The following BBS2 variants were observed in gnomAD, a reference collection of about 807,000 sequenced individuals.
The protein encoded by BBS2 is Bardet-Biedl syndrome 2.
Under a neutral mutation model 83.0 loss-of-function variants are expected in BBS2, and 62 were observed. The observed-to-expected ratio is 0.75, with a 90% CI of 0.61 to 0.92. The LOEUF (loss-of-function observed/expected upper bound fraction) is 0.92. Ranked by LOEUF, BBS2 falls within the 40% of genes least tolerant of loss-of-function variation. The pLI, the probability that BBS2 is intolerant of heterozygous loss-of-function variation, is 0.00. For missense variants in BBS2, 784 were observed against 901.0 expected (o/e 0.87, Z 1.66); for synonymous variants, 303 against 326.1 (o/e 0.93, Z 0.76).
At chr16:56,486,463 G>A (rs1963778397) in intron 15 of BBS2, among the ~76,000 whole-genome samples, 1 of 152,164 alleles carries the variant, frequency 6.6e-6, no homozygotes, top group Non-Finnish European at 1.5e-5. Context: ...ATTATCCTCA[G>A]TTGGTGAATA....
At chr16:56,490,993 C>A (rs1335873347) in intron 15 of BBS2, among the ~76,000 whole-genome samples, 1 of 152,002 alleles carries the variant, frequency 6.6e-6, no homozygotes, top group Non-Finnish European at 1.5e-5. Flanking sequence ...GATCTCCTGG[C>A]CTCATGATCC....
At position 56,519,920 on chromosome 16, in the gene BBS2, G is replaced by T. The variant is rs1415224138; in HGVS notation, c.-58C>A. On this transcript the variant is annotated 5_prime_UTR_variant, in exon 1 of 17. Transcript: ENST00000245157. ...GCTGGAGACAAGCGCAGCGGAGCTG[G>T]CCTCACGCGCCCGGGCAAGAAGTGC... is the stretch of plus-strand genomic sequence containing the variant. 5 of 1,455,176 alleles carry T rather than the reference G, an allele frequency of 3.4e-6. No homozygotes were observed. The highest frequency in any genetic ancestry group is 4.8e-6 in the Non-Finnish European group (5 of 1,039,138). The allele number at this position is 1,455,176 out of a possible 1,614,324, so 90.1% of individuals were successfully genotyped here.
At chr16:56,492,499 G>T (rs1447924978) in intron 15 of BBS2, among the ~76,000 whole-genome samples, 1 of 152,094 alleles carries the variant, frequency 6.6e-6, no homozygotes, top group Non-Finnish European at 1.5e-5. Flanking sequence ...TGAAAGAGGG[G>T]AAGAAGAAAT....
chr16:56,498,833 CA>C (rs1964185926), intron 12 of BBS2: 8 of 747,260 alleles, frequency 1.1e-5, no homozygotes, highest in Non-Finnish European at 1.6e-5. Context: ...CCACAGCAGA[CA>C]TGATTTCATA....
intron 3 of BBS2, 109 bp from the exon 4 acceptor site, chr16:56,511,030 G>A (rs1244203604): frequency 1.4e-5 from 22 of 1,558,250 alleles, no homozygotes; most frequent in South Asian, 8.9e-5. Flanking sequence ...AATGCTATTC[G>A]AATTATTCAT....
Position 56,497,022 on chromosome 16 carries a change from T to C in BBS2, c.1855A>G (p.Asn619Asp). The C allele has an allele frequency of 6.2e-7, 1 of 1,614,076 alleles. No individual in the cohort carries two copies. ...CCGACCAGCAAACTTCGGATCAAAT[T>C]AGAATGATCAGCCATATCAGCACTG... is the stretch of plus-strand genomic sequence containing the variant. The part of the protein sequence containing the change: ...KLSADMADHS[N>D]LIRSLLVGAE... The change falls in exon 15 of 17, where the codon AAT (asparagine) becomes GAT (aspartate). Residue 619 changes from asparagine to aspartate, a missense_variant. By Grantham distance (23) the Asn-to-Asp change is conservative. Transcript: ENST00000245157.
rs1964252649 is a variant in BBS2, at chr16:56,500,944, T to C, written c.1307A>G (p.Asn436Ser). The C allele has an allele frequency of 6.2e-7, 1 of 1,614,042 alleles. No homozygotes were observed. The highest frequency in any genetic ancestry group is 8.5e-7 in the Non-Finnish European group (1 of 1,179,960). ...AGGGATGCAGATGGAACTGGAGAGGTTGTGAATGCTGGGATGTACCACGTG... is the reference window on the plus strand; with the variant it reads ...AGGGATGCAGATGGAACTGGAGAGGCTGTGAATGCTGGGATGTACCACGTG... The part of the protein sequence containing the change: ...ESHVVHPSIH[N>S]LSSSICIPIV... Residue 436 changes from asparagine (N) to serine (S), a missense_variant, in exon 11 of 17, where the codon AAC becomes AGC. By Grantham distance (46) the Asn-to-Ser change is conservative (BLOSUM62 1). Transcript: ENST00000245157.
chr16:56,475,944 T>TATGCTC, intron 17 of BBS2: 1 of 1,109,500 alleles, frequency 9.0e-7, no homozygotes, highest in Middle Eastern at 2.6e-4. Flanking sequence ...TATCCCCAGA[T>TATGCTC]TAAGTGCTTG....
chr16:56,519,677 C>T (rs1964862132), intron 1 of BBS2, 69 bp downstream of exon 1: 5 of 1,336,770 alleles, frequency 3.7e-6, no homozygotes, highest in Admixed American at 1.7e-5. Context: ...GACGGGATCC[C>T]AGGGGCGCGG....
intron 15 of BBS2, among the ~76,000 whole-genome samples, chr16:56,493,156 G>A (rs558586189): frequency 2.6e-5 from 4 of 152,214 alleles, no homozygotes; most frequent in Non-Finnish European, 4.4e-5. Flanking sequence ...GGAAGCCAAG[G>A]TGGGAGGATC....
intron 12 of BBS2, 22 bp downstream of exon 12, chr16:56,499,756 A>G: frequency 1.2e-6 from 2 of 1,613,922 alleles, no homozygotes; most frequent in Non-Finnish European, 8.5e-7. Context: ...AAAGCATTGA[A>G]AGAGAAAAGC....
chr16:56,512,298 G>C lies in BBS2; in HGVS notation c.346-1014C>G, dbSNP rs1024618707. Among the ~76,000 whole-genome samples the C allele has an allele frequency of 5.3e-5, 8 of 152,246 alleles. No individual in the cohort carries two copies. In the East Asian group the frequency reaches 1.4e-3, roughly 26 times the overall value. On this transcript the variant is annotated intron_variant, in intron 2 of 16. Coordinates refer to ENST00000245157, the MANE Select transcript of BBS2 (RefSeq NM_031885.5). The stretch of plus-strand genomic sequence containing the variant: ...AAAAACAGTTTCACAGTGTCATAAA[G>C]TTCTTATAAACCACATAGCCCAGCA...
At chr16:56,496,832 T>G (rs911981777) in intron 15 of BBS2, 135 bp downstream of exon 15, 14 of 755,768 alleles carry the variant, frequency 1.9e-5, no homozygotes, top group Non-Finnish European at 3.4e-5. Context: ...CATTTTCAAC[T>G]TTACTGATAA....
In BBS2 at chr16:56,506,146, T is replaced by C. The variant is rs754487754; in HGVS notation, c.691A>G (p.Lys231Glu). The change falls in exon 6 of 17, where the codon AAA (lysine) becomes GAA (glutamate). Residue 231 changes from lysine to glutamate, a missense_variant. Lys to Glu is a moderately conservative substitution (Grantham distance 56, BLOSUM62 1). Coordinates refer to ENST00000245157, the MANE Select transcript of BBS2 (RefSeq NM_031885.5). The stretch of plus-strand genomic sequence containing the variant: ...TTAATTCTCCAGTATCGGGATGTTT[T>C]GTCATAAACTCCAACTGTGCCATTG... The part of the protein sequence containing the change: ...LSNGTVGVYD[K>E]TSRYWRIKSK... 5 of 1,614,030 alleles carry C rather than the reference T, an allele frequency of 3.1e-6. No homozygotes were observed. The Admixed American group carries it at 5.0e-5, about 16-fold the overall frequency.
intron 17 of BBS2, chr16:56,476,888 G>C (rs1963504282): frequency 6.6e-6 from 1 of 152,266 alleles, no homozygotes; most frequent in South Asian, 2.1e-4. Flanking sequence ...CCCAGCACTT[G>C]GGAGGCCAAG....
intron 1 of BBS2, among the ~76,000 whole-genome samples, chr16:56,519,101 CA>C (rs1431746686): frequency 6.6e-6 from 1 of 152,030 alleles, no homozygotes; most frequent in African/African-American, 2.4e-5. Flanking sequence ...GAGGCCGAGG[CA>C]GGTAAATCAC....
At chr16:56,498,924 C>G in intron 12 of BBS2, 1 of 375,480 alleles carries the variant, frequency 2.7e-6, no homozygotes, top group East Asian at 7.0e-5. Flanking sequence ...CACAACAGCT[C>G]TTCTGTGGGT....
downstream of BBS2, among the ~76,000 whole-genome samples, chr16:56,480,535 G>A (rs1034758497): frequency 3.3e-5 from 5 of 152,012 alleles, no homozygotes; most frequent in Middle Eastern, 3.4e-3. Flanking sequence ...GGGATTACAG[G>A]TGCCTAACAC....
At chr16:56,477,217 A>C (rs1441741042) in intron 17 of BBS2, 1 of 152,200 alleles carries the variant, frequency 6.6e-6, no homozygotes, top group Non-Finnish European at 1.5e-5. Context: ...GGAGCCTTAC[A>C]TCCTGATCAT....
Sources: gnomAD v4.1 joint callset for allele counts (sites outside exome capture counted in the v4.1 genomes callset) on GRCh38, gnomAD v4.1.1 for gene constraint, MANE v1.5 for transcripts, NCBI Gene and HGNC (gene_info 2026-07-23, HGNC 2026-07-21) for gene names.